Variants in ADAMTS12 observed in about 807,000 individuals in gnomAD.
ADAMTS12 encodes ADAM metallopeptidase with thrombospondin type 1 motif 12, also known as A disintegrin and metalloproteinase with thrombospondin motifs 12.
In ADAMTS12, 118 loss-of-function variants were observed where a neutral mutation model predicts 167.8. That is an observed-to-expected ratio of 0.70 (90% CI 0.61 to 0.82). The LOEUF is 0.82. Among genes scored for constraint, ADAMTS12 ranks in the 40% least tolerant of loss-of-function variants. The pLI is 0.00. For synonymous variants in ADAMTS12, 704 were observed against 716.9 expected, an observed-to-expected ratio of 0.98 and a Z score of 0.29; for missense variants, 1,916 against 1,998.8, an observed-to-expected ratio of 0.96 and a Z score of 0.79.
chr5:33,650,513 A>T (rs1161459409), intron 7 of ADAMTS12, among the ~76,000 whole-genome samples: 1 of 152,164 alleles, frequency 6.6e-6, no homozygotes, highest in African/African-American at 2.4e-5. Flanking sequence ...AGACTTTGAG[A>T]TTTGTCAACA....
At chr5:33,871,954 C>T (rs1580008414) in intron 2 of ADAMTS12, among the ~76,000 whole-genome samples, 1 of 151,936 alleles carries the variant, frequency 6.6e-6, no homozygotes, top group African/African-American at 2.4e-5. Flanking sequence ...TATTTGGTAA[C>T]CTAGATGAAA....
chr5:33,554,726 C>T (rs1745412862), intron 20 of ADAMTS12, among the ~76,000 whole-genome samples: 1 of 152,136 alleles, frequency 6.6e-6, no homozygotes, highest in Admixed American at 6.5e-5. Context: ...TCTCCCATTT[C>T]ATTCATTTGT....
intron 2 of ADAMTS12, among the ~76,000 whole-genome samples, chr5:33,836,542 A>G (rs993669093): frequency 6.6e-6 from 1 of 152,232 alleles, no homozygotes; most frequent in Non-Finnish European, 1.5e-5. Flanking sequence ...CTCTGGGGGC[A>G]CTTCCATTAC....
intron 16 of ADAMTS12, among the ~76,000 whole-genome samples, chr5:33,598,326 T>C (rs1251427560): frequency 1.3e-5 from 2 of 152,236 alleles, no homozygotes; most frequent in Non-Finnish European, 2.9e-5. Context: ...GGCTTCTTTC[T>C]CAAGTCTGAT....
intron 11 of ADAMTS12, among the ~76,000 whole-genome samples, chr5:33,638,695 C>A (rs1292411065): frequency 6.6e-6 from 1 of 152,148 alleles, no homozygotes; most frequent in Non-Finnish European, 1.5e-5. Context: ...AAAGATAGTT[C>A]TTTGATGGCA....
At chr5:33,700,872 A>T (rs1441238200) in intron 3 of ADAMTS12, among the ~76,000 whole-genome samples, 1 of 152,000 alleles carries the variant, frequency 6.6e-6, no homozygotes, top group Non-Finnish European at 1.5e-5. Flanking sequence ...TAATAATTTT[A>T]TTTAAAAAGT....
chr5:33,560,611 G>A (rs1291929161), intron 20 of ADAMTS12, among the ~76,000 whole-genome samples: 1 of 152,088 alleles, frequency 6.6e-6, no homozygotes, highest in Non-Finnish European at 1.5e-5. Flanking sequence ...ATAAGTGCAT[G>A]TCCTTTGTAG....
chr5:33,699,793 G>A (rs11953794), intron 3 of ADAMTS12, among the ~76,000 whole-genome samples: 3,504 of 152,192 alleles, frequency 0.023, 126 homozygotes, highest in African/African-American at 0.079. Context: ...CCTATCGGGA[G>A]AAAATGTTTT....
intron 13 of ADAMTS12, among the ~76,000 whole-genome samples, chr5:33,627,117 G>GTGATGATGGTTGTGGTGT (rs1301924230): frequency 1.3e-5 from 2 of 150,050 alleles, no homozygotes; most frequent in Non-Finnish European, 3.0e-5. Context: ...GGTTGTGGTG[G>GTGATGATGGTTGTGGTGT]TGGTGGTGGT....
chr5:33,593,576 AACAGAAAACCAAAT>A (rs1747752636), intron 17 of ADAMTS12, among the ~76,000 whole-genome samples: 1 of 152,194 alleles, frequency 6.6e-6, no homozygotes, highest in African/African-American at 2.4e-5. Flanking sequence ...TTAACACAGG[AACAGAAAACCAAAT>A]ACCATGTCAT....
intron 13 of ADAMTS12, among the ~76,000 whole-genome samples, chr5:33,628,942 T>C (rs1259852887): frequency 6.6e-6 from 1 of 152,124 alleles, no homozygotes; most frequent in Admixed American, 6.6e-5. Context: ...GTTCACTTGA[T>C]TGGCCTCAAG....
rs541816277 is a variant in ADAMTS12, at chr5:33,788,580, G to T, written c.490-37032C>A. 2.1e-4 allele frequency among the ~76,000 whole-genome samples: 32 copies of T among 152,304 alleles called. 1 individual carries two copies. The South Asian group carries it at 6.6e-3, about 32-fold the overall frequency. On this transcript the variant is annotated intron_variant, in intron 2 of 23. Transcript: ENST00000504830. Reference sequence around the variant, plus strand: ...CTCATTTTCCCAGGAATTCAAGTGAGTTGGCGAGGAAAGGAATAGGGCATG... The same window carrying T: ...CTCATTTTCCCAGGAATTCAAGTGATTTGGCGAGGAAAGGAATAGGGCATG...
chr5:33,804,479 C>T (rs1404925084), intron 2 of ADAMTS12, among the ~76,000 whole-genome samples: 7 of 152,182 alleles, frequency 4.6e-5, no homozygotes, highest in African/African-American at 1.7e-4. Flanking sequence ...GAAGGAGAGC[C>T]AGCCAGCCAA....
intron 16 of ADAMTS12, among the ~76,000 whole-genome samples, chr5:33,606,273 C>T (rs1385764999): frequency 6.6e-6 from 1 of 152,116 alleles, no homozygotes; most frequent in African/African-American, 2.4e-5. Flanking sequence ...TAATGAACTA[C>T]CATGACATAC....
intron 2 of ADAMTS12, among the ~76,000 whole-genome samples, chr5:33,801,752 C>T (rs1747018745): frequency 6.6e-6 from 1 of 152,194 alleles, no homozygotes; most frequent in African/African-American, 2.4e-5. Context: ...TGACATCAGA[C>T]AGCGAAGCAA....
chr5:33,632,646 G>T (rs1420575629), intron 12 of ADAMTS12, among the ~76,000 whole-genome samples: 2 of 152,094 alleles, frequency 1.3e-5, no homozygotes, highest in African/African-American at 4.8e-5. Flanking sequence ...TGCGCAAACT[G>T]GAATAGAAGT....
At chr5:33,586,254 C>T (rs1465681465) in intron 18 of ADAMTS12, among the ~76,000 whole-genome samples, 1 of 152,212 alleles carries the variant, frequency 6.6e-6, no homozygotes, top group Non-Finnish European at 1.5e-5. Flanking sequence ...ATGTCAAAGA[C>T]ATTTCATCAT....
intron 3 of ADAMTS12, among the ~76,000 whole-genome samples, chr5:33,719,181 T>G (rs1743718062): frequency 6.6e-6 from 1 of 152,084 alleles, no homozygotes; most frequent in Admixed American, 6.6e-5. Flanking sequence ...AGATGGGTTG[T>G]GCCAATGGAA....
At chr5:33,818,411 G>A (rs1259638152) in intron 2 of ADAMTS12, among the ~76,000 whole-genome samples, 1 of 151,956 alleles carries the variant, frequency 6.6e-6, no homozygotes, top group African/African-American at 2.4e-5. Context: ...TGTCCTAATG[G>A]CAGGATCTCC....
Sources: allele counts gnomAD v4.1 joint callset (sites outside exome capture counted in the v4.1 genomes callset), GRCh38; gene constraint gnomAD v4.1.1; transcripts MANE v1.5; gene names NCBI Gene and HGNC (gene_info 2026-07-23, HGNC 2026-07-21).